The following PARD3B variants were observed in gnomAD, a reference collection of about 807,000 sequenced individuals.
PARD3B encodes partitioning defective 3 homolog B.
A neutral mutation model predicts 130.2 loss-of-function variants in PARD3B; 103 were observed. The ratio of observed to expected loss-of-function variants is 0.79; its 90% CI spans 0.67 to 0.93. The LOEUF is 0.93. PARD3B is among the 40% of genes least tolerant of loss of function. The pLI is 0.00. For missense variants in PARD3B, 1,609 were observed against 1,499.2 expected (o/e 1.07, Z -1.21); for synonymous variants, 583 against 553.2 (o/e 1.05, Z -0.76).
At chr2:204,553,920 G>T (rs2030727287) in intron 1 of PARD3B, among the ~76,000 whole-genome samples, 1 of 151,588 alleles carries the variant, frequency 6.6e-6, no homozygotes, top group Non-Finnish European at 1.5e-5. Context: ...AGGGATAAAA[G>T]ACCACAAACT....
rs371927333 is a variant in PARD3B, at chr2:205,238,077, T to A, written c.2141-7701T>A. 3.9e-5 allele frequency among the ~76,000 whole-genome samples: 6 copies of A among 152,288 alleles called. No homozygotes were observed. In the South Asian group the frequency reaches 6.2e-4, roughly 16 times the overall value. ...GCTGAATGGACATGCCCAAATTTGG[T>A]GTCATTTATTTATTCTTACACATGC... On this transcript the variant is annotated intron_variant, in intron 15 of 22. Coordinates refer to ENST00000406610, the MANE Select transcript of PARD3B (RefSeq NM_001302769.2).
intron 2 of PARD3B, among the ~76,000 whole-genome samples, chr2:204,934,574 G>A (rs1688268582): frequency 6.6e-6 from 1 of 152,066 alleles, no homozygotes; most frequent in Non-Finnish European, 1.5e-5. Context: ...GTTATAGAAT[G>A]TATAGCTAGG....
intron 1 of PARD3B, among the ~76,000 whole-genome samples, chr2:204,553,636 ATATT>A (rs1332098726): frequency 1.5e-4 from 20 of 130,010 alleles, no homozygotes; most frequent in African/African-American, 2.2e-4. Context: ...ATATGGATAT[ATATT>A]TATATATATC....
intron 2 of PARD3B, among the ~76,000 whole-genome samples, chr2:204,919,042 T>A (rs1335018542): frequency 2.0e-5 from 3 of 152,182 alleles, no homozygotes; most frequent in Non-Finnish European, 2.9e-5. Flanking sequence ...AAGTATGCAG[T>A]GAAGACCCAT....
At chr2:204,983,965 G>C (rs1459852920) in intron 3 of PARD3B, among the ~76,000 whole-genome samples, 1 of 151,826 alleles carries the variant, frequency 6.6e-6, no homozygotes, top group African/African-American at 2.4e-5. Flanking sequence ...CCCCTCCTCT[G>C]TATGGACCTT....
chr2:205,170,119 G>A (rs1416645367), intron 11 of PARD3B, among the ~76,000 whole-genome samples: 1 of 151,938 alleles, frequency 6.6e-6, no homozygotes, highest in East Asian at 1.9e-4. Flanking sequence ...AAGTAGAGAC[G>A]GGGTTTCTCC....
rs142779983 is a variant in PARD3B at position 205,420,596 on chromosome 2, A to G, written c.2741+19473A>G. ...CAGTGGAACTGTCTGGGTGAGGAGG[A>G]TGCTGCCTCCCATGAAGATCTTAAG... is the stretch of plus-strand genomic sequence containing the variant. On this transcript the variant is annotated intron_variant, in intron 19 of 22. Coordinates refer to ENST00000406610, the MANE Select transcript of PARD3B (RefSeq NM_001302769.2). Among the ~76,000 whole-genome samples the G allele has an allele frequency of 2.5e-3, 375 of 152,328 alleles. 7 individuals are homozygous for G. Among genetic ancestry groups the G allele is most frequent in the African/African-American group, 8.7e-3 (360 of 41,580 alleles).
At chr2:205,044,591 G>T (rs1698634573) in intron 3 of PARD3B, among the ~76,000 whole-genome samples, 1 of 151,916 alleles carries the variant, frequency 6.6e-6, no homozygotes, top group African/African-American at 2.4e-5. Flanking sequence ...TTTTTTGGCT[G>T]CATAAATGTC....
chr2:205,411,777 G>A (rs1418429935), intron 19 of PARD3B, among the ~76,000 whole-genome samples: 1 of 152,006 alleles, frequency 6.6e-6, no homozygotes. Context: ...TTTATTGATC[G>A]CCGGTTGGAA....
intron 18 of PARD3B, among the ~76,000 whole-genome samples, chr2:205,305,573 A>T (rs2042158702): frequency 6.6e-6 from 1 of 152,200 alleles, no homozygotes. Context: ...TAATGACAAC[A>T]TGTAATTGCA....
At chr2:205,249,939 GA>G (rs72169792) in intron 16 of PARD3B, among the ~76,000 whole-genome samples, 13,968 of 125,160 alleles carry the variant, frequency 0.11, 797 homozygotes, top group East Asian at 0.28. Context: ...AATGCCTGGA[GA>G]AAAAAAAAAA....
chr2:204,934,715 C>G (rs1286301909), intron 2 of PARD3B, among the ~76,000 whole-genome samples: 1 of 152,098 alleles, frequency 6.6e-6, no homozygotes, highest in African/African-American at 2.4e-5. Flanking sequence ...AACTAGATCT[C>G]TTGTCTGAAC....
intron 1 of PARD3B, among the ~76,000 whole-genome samples, chr2:204,604,696 C>T (rs2033644847): frequency 6.6e-6 from 1 of 152,116 alleles, no homozygotes; most frequent in Admixed American, 6.6e-5. Flanking sequence ...GCTGAGGATC[C>T]TGAGTGATTT....
At chr2:204,551,133 A>G (rs576238230) in intron 1 of PARD3B, among the ~76,000 whole-genome samples, 1 of 152,196 alleles carries the variant, frequency 6.6e-6, no homozygotes, top group Non-Finnish European at 1.5e-5. Flanking sequence ...CTAAGTTTGC[A>G]AACAGAGGGC....
At chr2:205,586,305 C>T (rs533632824) in intron 22 of PARD3B, among the ~76,000 whole-genome samples, 42 of 152,326 alleles carry the variant, frequency 2.8e-4, no homozygotes, top group African/African-American at 9.9e-4. Context: ...TTTAGAGACT[C>T]CGTGACAGGC....
chr2:205,301,803 C>T lies in PARD3B; in HGVS notation c.2630+102C>T, dbSNP rs1369787851. 8 of 1,570,304 alleles carry T rather than the reference C, an allele frequency of 5.1e-6. No individual in the cohort carries two copies. The highest frequency in any genetic ancestry group is 6.1e-6 in the Non-Finnish European group (7 of 1,140,262). ...GAAAAAAGCGCACGCTTTTCCTCGTCTTCAGCCAAATGCATACGGCTCTCA... is the reference window on the plus strand; with the variant it reads ...GAAAAAAGCGCACGCTTTTCCTCGTTTTCAGCCAAATGCATACGGCTCTCA... On this transcript the variant is annotated intron_variant, in intron 18 of 22. Coordinates refer to ENST00000406610, the MANE Select transcript of PARD3B (RefSeq NM_001302769.2). The surrounding 1 kb of genome is among the most constrained non-coding windows in gnomAD (Gnocchi z 5.2).
intron 4 of PARD3B, among the ~76,000 whole-genome samples, chr2:205,092,918 TAATA>T (rs1702195126): frequency 6.6e-6 from 1 of 152,200 alleles, no homozygotes; most frequent in Non-Finnish European, 1.5e-5. Flanking sequence ...AATTACATTA[TAATA>T]AATAAAATAT....
rs2046319651 is a variant in PARD3B, at chr2:204,887,963, TGTTAAGACCCCA to T, written c.223-77187_223-77176del. On this transcript the variant is annotated intron_variant, in intron 2 of 22. Transcript: ENST00000406610. This position sits in a 1 kb window ranked among gnomAD's most constrained non-coding sequence, Gnocchi z 4.2. ...TGATTCTTGAGGAATGTATGAGAAC[TGTTAAGACCCCA>T]GCATTCCAACTGGGAGGGATCATTG... is the stretch of plus-strand genomic sequence containing the variant. Among the ~76,000 whole-genome samples, 3 of 152,066 alleles carry T rather than the reference TGTTAAGACCCCA, an allele frequency of 2.0e-5. No individual in the cohort carries two copies.
At chr2:204,589,061 G>A (rs2032961107) in intron 1 of PARD3B, among the ~76,000 whole-genome samples, 2 of 152,118 alleles carry the variant, frequency 1.3e-5, no homozygotes, top group Non-Finnish European at 2.9e-5. Context: ...TGCCTCACCA[G>A]TGTGCTTAAG....
Sources: allele counts gnomAD v4.1 joint callset (sites outside exome capture counted in the v4.1 genomes callset), GRCh38; gene constraint gnomAD v4.1.1; non-coding constraint Gnocchi (gnomAD v3.1); transcripts MANE v1.5; gene names NCBI Gene and HGNC (gene_info 2026-07-23, HGNC 2026-07-21).